Variants in CASP8 observed in about 807,000 individuals in gnomAD.
CASP8 encodes the protein caspase-8.
CASP8 carries 24 observed loss-of-function variants against 46.3 expected under a neutral mutation model. That is an observed-to-expected ratio of 0.52 (90% CI 0.38 to 0.73). CASP8 has a LOEUF of 0.73. Among genes scored for constraint, CASP8 ranks in the 30% least tolerant of loss-of-function variants. The probability of loss-of-function intolerance (pLI) is 0.00; values close to 1 mark genes in which losing one functional copy is unlikely to be tolerated. For synonymous variants in CASP8, 188 were observed against 200.4 expected (o/e 0.94, Z 0.52); for missense variants, 460 against 559.0 (o/e 0.82, Z 1.79).
rs1947316963 is a variant in CASP8 at position 201,260,591 on chromosome 2, GGTGCTACCATC to G, written c.-45_-35del. 1.0e-6 allele frequency: 1 copy of G among 983,692 alleles called. No homozygotes were observed. The highest frequency in any genetic ancestry group is 1.7e-5 in the African/African-American group (1 of 57,178). 60.9% of individuals were successfully genotyped at this position (983,692 alleles called of 1,614,324 possible). ...TGGTAGTGGATAGGCCTGTGACGAAGGTGCTACCATCGTGAGAGTAAGGTAAGGATTTGCCT... is the reference window on the plus strand; with the variant it reads ...TGGTAGTGGATAGGCCTGTGACGAAGGTGAGAGTAAGGTAAGGATTTGCCT... On this transcript the variant is annotated 5_prime_UTR_variant, in exon 1 of 9. The change abolishes the stop of an existing upstream ORF in the 5' untranslated region. Transcript: ENST00000673742.
At chr2:201,279,508 G>T (rs1948861907) in intron 7 of CASP8, among the ~76,000 whole-genome samples, 1 of 152,196 alleles carries the variant, frequency 6.6e-6, no homozygotes, top group African/African-American at 2.4e-5. Context: ...CTAATGAAAT[G>T]ATCAGGTCCC....
chr2:201,282,089 C>A (rs1237818399), intron 7 of CASP8, among the ~76,000 whole-genome samples: 1 of 67,374 alleles, frequency 1.5e-5, no homozygotes, highest in African/African-American at 5.0e-5. Flanking sequence ...TGCGGCCTTC[C>A]GCAGTGTTTG....
intron 2 of CASP8, among the ~76,000 whole-genome samples, chr2:201,268,434 C>T (rs113987962): frequency 0.063 from 9,642 of 152,068 alleles, 553 homozygotes; most frequent in South Asian, 0.15. Flanking sequence ...GCCTGTAATC[C>T]CAGCTACTTG....
rs1383018159 is a variant in CASP8, at chr2:201,266,372, G to A, written c.-26-89G>A. On this transcript the variant is annotated intron_variant, in intron 1 of 8. Coordinates refer to ENST00000673742, the MANE Select transcript of CASP8 (RefSeq NM_001372051.1). The surrounding 1 kb of genome is among the most constrained non-coding windows in gnomAD (Gnocchi z 5.7). ...TCCTGTGCTGACAGCACAATGACCA[G>A]TACCTAGTAGTTGCAGTAGCCTTTG... The A allele has an allele frequency of 5.3e-6, 5 of 944,662 alleles. No homozygotes were observed. The highest frequency in any genetic ancestry group is 1.4e-5 in the South Asian group (1 of 74,014). The allele number at this position is 944,662 out of a possible 1,614,324, so 58.5% of individuals were successfully genotyped here. A position where few individuals can be genotyped will look rare whatever the true frequency, so the allele number is the denominator to read the frequency against.
At position 201,272,732 on chromosome 2, in the gene CASP8, A is replaced by G. The variant is rs2125255599; in HGVS notation, c.506A>G (p.Lys169Arg). 1 of 1,614,210 alleles carries G rather than the reference A, an allele frequency of 6.2e-7. No individual in the cohort carries two copies. Among genetic ancestry groups the G allele is most frequent in the Non-Finnish European group, 8.5e-7 (1 of 1,180,034 alleles). ...AAAAGAGTCTGTGCCCAAATCAACA[A>G]GAGCCTGCTGAAGATAATCAACGAC... ...ILKRVCAQINKSLLKIINDYE... is the reference protein window; with the variant it reads ...ILKRVCAQINRSLLKIINDYE... Residue 169 changes from lysine (K) to arginine (R), a missense_variant, in exon 4 of 9, where the codon AAG (lysine) becomes AGG (arginine). By Grantham distance (26) the Lys-to-Arg change is conservative. Transcript: ENST00000673742. This position sits in a 1 kb window ranked among gnomAD's most constrained non-coding sequence, Gnocchi z 4.4.
intron 1 of CASP8, chr2:201,233,898 C>A (rs560882312): frequency 6.6e-6 from 1 of 152,392 alleles, no homozygotes; most frequent in South Asian, 2.1e-4. Context: ...TGGCTCAAAA[C>A]GACTTTAGTT....
At chr2:201,280,202 TA>T (rs796352381) in intron 7 of CASP8, among the ~76,000 whole-genome samples, 37 of 151,984 alleles carry the variant, frequency 2.4e-4, no homozygotes, top group African/African-American at 8.4e-4. Flanking sequence ...AAAAATTCAA[TA>T]AAGTAGAAGA....
chr2:201,263,523 GT>G (rs1559346669), intron 1 of CASP8, among the ~76,000 whole-genome samples: 1 of 152,210 alleles, frequency 6.6e-6, no homozygotes, highest in Non-Finnish European at 1.5e-5. Context: ...GTAGGAAAGA[GT>G]AAAATATTAC....
In CASP8 at chr2:201,266,403, C is replaced by T; in HGVS notation, c.-26-58C>T. 1 of 1,367,062 alleles carries T rather than the reference C, an allele frequency of 7.3e-7. No individual in the cohort carries two copies. The highest frequency in any genetic ancestry group is 1.0e-6 in the Non-Finnish European group (1 of 959,316). 84.7% of individuals were successfully genotyped at this position (1,367,062 alleles called of 1,614,324 possible). ...AGTAGTTGCAGTAGCCTTTGATGAA[C>T]AAGCCAGCAAATGGTACTTTTCTTC... On this transcript the variant is annotated intron_variant, in intron 1 of 8. Transcript: ENST00000673742. The surrounding 1 kb of genome is among the most constrained non-coding windows in gnomAD (Gnocchi z 5.7).
intron 8 of CASP8, 68 bp downstream of exon 8, chr2:201,285,385 A>G: frequency 1.3e-6 from 2 of 1,538,164 alleles, no homozygotes; most frequent in South Asian, 1.1e-5. Context: ...TCACACTACT[A>G]TCTACTCATA....
chr2:201,258,150 C>A, upstream of CASP8: 1 of 1,508,862 alleles, frequency 6.6e-7, no homozygotes, highest in Non-Finnish European at 9.2e-7. Context: ...GAAGTGTTTT[C>A]ACAGGTTCTC....
chr2:201,286,679 GATCTCGGCTCACCGCAA>G lies in CASP8; in HGVS notation c.*86_*102del. On this transcript the variant is annotated 3_prime_UTR_variant, in exon 9 of 9. Coordinates refer to ENST00000673742, the MANE Select transcript of CASP8 (RefSeq NM_001372051.1). ...CGCCCAGGCTGGAGTGCAGTGGCGT[GATCTCGGCTCACCGCAA>G]GCTCCGCCTCCCGGGTTCAGGCCAT... is the stretch of plus-strand genomic sequence containing the variant. The G allele has an allele frequency of 2.5e-6, 3 of 1,194,330 alleles. No homozygotes were observed. Among genetic ancestry groups the G allele is most frequent in the Non-Finnish European group, 3.6e-6 (3 of 831,286 alleles). 74.0% of individuals were successfully genotyped at this position (1,194,330 alleles called of 1,614,324 possible). A position where few individuals can be genotyped will look rare whatever the true frequency, so the allele number is the denominator to read the frequency against.
chr2:201,281,930 A>C, intron 7 of CASP8: 11 of 501,042 alleles, frequency 2.2e-5, no homozygotes, highest in South Asian at 7.0e-5. Context: ...TCTGGTTCAA[A>C]TTCTTTTTTT....
At position 201,285,103 on chromosome 2, in the gene CASP8, A is replaced by G. The variant is rs765581502; in HGVS notation, c.1090A>G (p.Asn364Asp). ...VFFIQACQGDNYQKGIPVETD... is the reference protein window; with the variant it reads ...VFFIQACQGDDYQKGIPVETD... ...TTTTATTCAGGCTTGTCAGGGGGAT[A>G]ACTACCAGAAAGGTATACCTGTTGA... is the stretch of plus-strand genomic sequence containing the variant. Residue 364 changes from asparagine (N) to aspartate (D), a missense_variant, in exon 8 of 9, where the codon AAC becomes GAC. Transcript: ENST00000673742. The G allele has an allele frequency of 2.5e-6, 4 of 1,614,052 alleles. No homozygotes were observed. Among genetic ancestry groups the G allele is most frequent in the Non-Finnish European group, 3.4e-6 (4 of 1,180,030 alleles).
intron 5 of CASP8, among the ~76,000 whole-genome samples, chr2:201,273,811 A>G (rs952199257): frequency 4.6e-5 from 7 of 151,976 alleles, no homozygotes; most frequent in Non-Finnish European, 8.8e-5. Context: ...AGTAGCTGGG[A>G]CCACAGGCAC....
intron 7 of CASP8, among the ~76,000 whole-genome samples, chr2:201,284,549 C>T (rs1420484027): frequency 1.4e-4 from 10 of 69,564 alleles, no homozygotes; most frequent in Non-Finnish European, 1.6e-4. Flanking sequence ...TGGCGGCGCG[C>T]GCCTGCAATC....
Position 201,276,941 on chromosome 2 carries a change from G to A in CASP8, c.775G>A (p.Asp259Asn), listed in dbSNP as rs573893736. Residue 259 changes from aspartate to asparagine, a missense_variant, in exon 7 of 9, where the codon GAC becomes AAC. By Grantham distance (23) the Asp-to-Asn change is conservative (BLOSUM62 1). Coordinates refer to ENST00000673742, the MANE Select transcript of CASP8 (RefSeq NM_001372051.1). ...EKVPKLHSIRDRNGTHLDAGA... is the reference protein window; with the variant it reads ...EKVPKLHSIRNRNGTHLDAGA... ...AGTGCCCAAACTTCACAGCATTAGG[G>A]ACAGGAATGGAACACACTTGGATGC... 132 of 1,613,810 alleles carry A rather than the reference G, an allele frequency of 8.2e-5. 1 individual carries two copies. The South Asian group carries it at 1.4e-3, about 17-fold the overall frequency.
At chr2:201,254,918 CCCTGGGACTAAGGA>C (rs1262613213) in intron 2 of CASP8, among the ~76,000 whole-genome samples, 1 of 152,218 alleles carries the variant, frequency 6.6e-6, no homozygotes, top group African/African-American at 2.4e-5. Context: ...CTTTCAGCTT[CCCTGGGACTAAGGA>C]CCATGCACAT....
chr2:201,264,352 G>C (rs1282592098), intron 1 of CASP8, among the ~76,000 whole-genome samples: 1 of 151,904 alleles, frequency 6.6e-6, no homozygotes, highest in Non-Finnish European at 1.5e-5. Context: ...TTTTGACAGA[G>C]ATGGCTAAAT....
Sources: allele counts gnomAD v4.1 joint callset (sites outside exome capture counted in the v4.1 genomes callset), GRCh38; gene constraint gnomAD v4.1.1; non-coding constraint Gnocchi (gnomAD v3.1); transcripts MANE v1.5; gene names NCBI Gene and HGNC (gene_info 2026-07-23, HGNC 2026-07-21).